The following SLC6A17 variants were observed in gnomAD, a reference collection of about 807,000 sequenced individuals.
SLC6A17 encodes the protein solute carrier family 6 member 17.
Under a neutral mutation model 64.5 loss-of-function variants are expected in SLC6A17, and 21 were observed. That is an observed-to-expected ratio of 0.33 (90% CI 0.23 to 0.47). SLC6A17 has a LOEUF of 0.47. Ranked by LOEUF, SLC6A17 falls within the 20% of genes least tolerant of loss-of-function variation. SLC6A17 has a pLI of 1.00. For missense variants in SLC6A17, 682 were observed against 963.2 expected (o/e 0.71, Z 3.86); for synonymous variants, 372 against 399.5 (o/e 0.93, Z 0.82).
intron 9 of SLC6A17, chr1:110,195,116 C>T (rs1210546255): frequency 2.3e-6 from 1 of 427,376 alleles, no homozygotes; most frequent in Non-Finnish European, 4.4e-6. Context: ...CCTGTTCCAT[C>T]TTTGTCACTC....
chr1:110,196,251 C>T (rs1190515897), intron 10 of SLC6A17, among the ~76,000 whole-genome samples: 1 of 152,198 alleles, frequency 6.6e-6, no homozygotes, highest in East Asian at 1.9e-4. Flanking sequence ...ACTGTAAACT[C>T]TTGGCCTCAT....
chr1:110,158,153 G>A (rs546526940), intron 1 of SLC6A17, among the ~76,000 whole-genome samples: 1 of 152,132 alleles, frequency 6.6e-6, no homozygotes, highest in Non-Finnish European at 1.5e-5. Context: ...TCTGTTCTCT[G>A]TTGTACTAGA....
At position 110,194,752 on chromosome 1, in the gene SLC6A17, G is replaced by A. The variant is rs143840691; in HGVS notation, c.1473G>A (p.Val491=). The A allele has an allele frequency of 1.9e-6, 3 of 1,613,626 alleles. No individual in the cohort carries two copies. The highest frequency in any genetic ancestry group is 1.3e-5 in the African/African-American group (1 of 74,930). ...ITTPIIDTFK[V]PKEMFTVGCC... is the part of the protein sequence containing the mutation. ...CGCCCATCATCGACACCTTCAAGGTGCCCAAGGAGATGTTCACAGGTAACT... is the reference window on the plus strand; with the variant it reads ...CGCCCATCATCGACACCTTCAAGGTACCCAAGGAGATGTTCACAGGTAACT... Residue 491 remains valine (V), a synonymous_variant, in exon 9 of 12, where the codon GTG becomes GTA. Transcript: ENST00000331565.
chr1:110,161,088 C>T (rs1655896255), intron 1 of SLC6A17, among the ~76,000 whole-genome samples: 1 of 152,172 alleles, frequency 6.6e-6, no homozygotes, highest in Non-Finnish European at 1.5e-5. Context: ...CCAGCAGCAT[C>T]CAGGGGCAGC....
intron 2 of SLC6A17, among the ~76,000 whole-genome samples, chr1:110,168,380 T>G (rs1291164400): frequency 1.3e-5 from 2 of 152,380 alleles, no homozygotes; most frequent in East Asian, 3.9e-4. Context: ...GCTGGGAGGC[T>G]TCTCCTTTCC....
rs993129098 is a variant in SLC6A17, at chr1:110,200,310, A to C, written c.*1866A>C. The C allele has an allele frequency of 3.7e-5, 14 of 378,600 alleles. No homozygotes were observed. The highest frequency in any genetic ancestry group is 2.3e-4 in the Admixed American group (5 of 21,882). The allele number at this position is 378,600 out of a possible 1,614,324, so 23.5% of individuals were successfully genotyped here. ...CTGTCTTTCCTGAGTGTTTGAGGGG[A>C]GAGAGAGACCCACATCTCCCCAAAG... On this transcript the variant is annotated 3_prime_UTR_variant, in exon 12 of 12. Coordinates refer to ENST00000331565, the MANE Select transcript of SLC6A17 (RefSeq NM_001010898.4).
intron 4 of SLC6A17, 115 bp downstream of exon 4, chr1:110,174,214 C>G: frequency 7.2e-7 from 1 of 1,379,584 alleles, no homozygotes; most frequent in East Asian, 2.5e-5. Flanking sequence ...GGATAAGTCA[C>G]TTAACATCTC....
intron 2 of SLC6A17, 140 bp downstream of exon 2, chr1:110,167,355 G>A (rs761042076): frequency 3.4e-5 from 37 of 1,095,760 alleles, no homozygotes; most frequent in Non-Finnish European, 4.7e-5. Flanking sequence ...GACAGCCCAG[G>A]AATAGCTATA....
intron 6 of SLC6A17, among the ~76,000 whole-genome samples, chr1:110,179,658 A>G (rs1182748202): frequency 6.6e-6 from 1 of 151,604 alleles, no homozygotes; most frequent in African/African-American, 2.4e-5. Context: ...GGTTCAAGCT[A>G]TTCTCCTGCC....
rs374315284 is a variant in SLC6A17, at chr1:110,169,362, C to T, written c.286+2147C>T. On this transcript the variant is annotated intron_variant, in intron 2 of 11. Coordinates refer to ENST00000331565, the MANE Select transcript of SLC6A17 (RefSeq NM_001010898.4). The stretch of plus-strand genomic sequence containing the variant: ...CTGTGTGATAGGTGTTGGGTCAAAG[C>T]TTATGAAATGGCCATTTTTGTAAGT... 6.6e-5 allele frequency among the ~76,000 whole-genome samples: 10 copies of T among 152,288 alleles called. No individual in the cohort carries two copies. The South Asian group carries it at 1.7e-3, about 25-fold the overall frequency.
At chr1:110,178,908 C>T (rs182065549) in intron 6 of SLC6A17, among the ~76,000 whole-genome samples, 1 of 152,350 alleles carries the variant, frequency 6.6e-6, no homozygotes, top group Admixed American at 6.5e-5. Context: ...ATAGCAACCA[C>T]TTTCCTGAAT....
At chr1:110,165,932 G>T (rs1046097021) in intron 1 of SLC6A17, among the ~76,000 whole-genome samples, 1 of 152,180 alleles carries the variant, frequency 6.6e-6, no homozygotes, top group Non-Finnish European at 1.5e-5. Context: ...ACGGAATGGT[G>T]GAATTCTTCA....
intron 6 of SLC6A17, among the ~76,000 whole-genome samples, chr1:110,178,329 C>G (rs915428829): frequency 7.2e-5 from 11 of 152,190 alleles, no homozygotes; most frequent in Admixed American, 7.2e-4. Context: ...GCAAGAGGAA[C>G]AGATTCACAG....
intron 2 of SLC6A17, among the ~76,000 whole-genome samples, chr1:110,170,344 C>A (rs1173950019): frequency 5.9e-5 from 9 of 151,878 alleles, no homozygotes; most frequent in Non-Finnish European, 1.5e-5. Flanking sequence ...ATTAGCCGGG[C>A]GTGGTGGCGG....
At chr1:110,195,327 G>A (rs914614697) in intron 9 of SLC6A17, among the ~76,000 whole-genome samples, 1 of 152,234 alleles carries the variant, frequency 6.6e-6, no homozygotes, top group Non-Finnish European at 1.5e-5. Context: ...CACCTGCCAC[G>A]GGCCAGGCCC....
intron 1 of SLC6A17, among the ~76,000 whole-genome samples, chr1:110,157,758 T>C (rs1655795545): frequency 6.6e-6 from 1 of 152,032 alleles, no homozygotes; most frequent in Non-Finnish European, 1.5e-5. Flanking sequence ...CACCTCCCAC[T>C]CTTCCATTGT....
intron 9 of SLC6A17, chr1:110,195,136 G>T (rs1041820333): frequency 4.7e-6 from 2 of 422,164 alleles, no homozygotes; most frequent in African/African-American, 2.0e-5. Flanking sequence ...CCAGTCCCGG[G>T]CTGTGTCCAC....
In SLC6A17 at chr1:110,167,020, G is replaced by A. The variant is rs1170762862; in HGVS notation, c.91G>A (p.Val31Met). The A allele has an allele frequency of 6.2e-7, 1 of 1,613,174 alleles. No individual in the cohort carries two copies. The highest frequency in any genetic ancestry group is 1.1e-5 in the South Asian group (1 of 90,906). Residue 31 changes from valine to methionine, a missense_variant, in exon 2 of 12, where the codon GTG becomes ATG. Coordinates refer to ENST00000331565, the MANE Select transcript of SLC6A17 (RefSeq NM_001010898.4). Reference sequence around the variant, plus strand: ...CGACCTGCTGGCCCTCGAGGAGCCTGTGGACTATAAGCAGAGTGTACTGAA... The same window carrying A: ...CGACCTGCTGGCCCTCGAGGAGCCTATGGACTATAAGCAGAGTGTACTGAA... ...VADLLALEEP[V>M]DYKQSVLNVA...
rs138380392 is a variant in SLC6A17 at position 110,159,410 on chromosome 1, G to A, written c.-87-7433G>A. On this transcript the variant is annotated intron_variant, in intron 1 of 11. Coordinates refer to ENST00000331565, the MANE Select transcript of SLC6A17 (RefSeq NM_001010898.4). ...TTTCAGTGCCAGTTCCTCCCCCTCT[G>A]GACCATCTGCCCCCTTTCCTGCTTC... Among the ~76,000 whole-genome samples, 893 of 152,204 alleles carry A rather than the reference G, an allele frequency of 5.9e-3. 5 individuals are homozygous for A. The highest frequency in any genetic ancestry group is 8.3e-3 in the Non-Finnish European group (562 of 68,006).
Sources: gnomAD v4.1 joint callset for allele counts (sites outside exome capture counted in the v4.1 genomes callset) on GRCh38, gnomAD v4.1.1 for gene constraint, MANE v1.5 for transcripts, NCBI Gene and HGNC (gene_info 2026-07-23, HGNC 2026-07-21) for gene names.